Variants in CLK3 observed in about 807,000 individuals in gnomAD.
The protein encoded by CLK3 is CDC like kinase 3.
CLK3 carries 24 observed loss-of-function variants against 65.2 expected under a neutral mutation model. The ratio of observed to expected loss-of-function variants is 0.37; its 90% CI spans 0.27 to 0.52. CLK3 has a LOEUF of 0.52. Ranked by LOEUF, CLK3 falls within the 20% of genes least tolerant of loss-of-function variation. The pLI is 0.92. For synonymous variants in CLK3, 252 were observed against 240.8 expected, an observed-to-expected ratio of 1.05 and a Z score of -0.43; for missense variants, 506 against 660.0, an observed-to-expected ratio of 0.77 and a Z score of 2.56.
Position 74,624,854 on chromosome 15 carries a change from G to C in CLK3, c.534-48G>C. 7.2e-7 allele frequency: 1 copy of C among 1,397,828 alleles called. No individual in the cohort carries two copies. Among genetic ancestry groups the C allele is most frequent in the Non-Finnish European group, 1.0e-6 (1 of 997,380 alleles). 86.6% of individuals were successfully genotyped at this position (1,397,828 alleles called of 1,614,324 possible). A position where few individuals can be genotyped will look rare whatever the true frequency, so the allele number is the denominator to read the frequency against. On this transcript the variant is annotated intron_variant, in intron 5 of 12. Transcript: ENST00000395066. This position sits in a 1 kb window ranked among gnomAD's most constrained non-coding sequence, Gnocchi z 4.2. ...GGGTTGGGGTGGAGGGTTGGGGAAG[G>C]ACTGGGCAGCTGCTGATGAGAACCT...
rs1387030670 is a variant in CLK3 at position 74,627,693 on chromosome 15, C to T, written c.1042+25C>T. On this transcript the variant is annotated intron_variant, in intron 9 of 12. Coordinates refer to ENST00000395066, the MANE Select transcript of CLK3 (RefSeq NM_001130028.2). The surrounding 1 kb of genome is among the most constrained non-coding windows in gnomAD (Gnocchi z 4.3). The stretch of plus-strand genomic sequence containing the variant: ...GGTGAGTGACTGTATGGCCTGTGAC[C>T]TTGTCATACTGGACTGTTGTTGGGA... 2 of 1,612,932 alleles carry T rather than the reference C, an allele frequency of 1.2e-6. No individual in the cohort carries two copies. Among genetic ancestry groups the T allele is most frequent in the East Asian group, 2.2e-5 (1 of 44,892 alleles).
chr15:74,617,979 G>T (rs908032517), intron 1 of CLK3, among the ~76,000 whole-genome samples: 9 of 152,248 alleles, frequency 5.9e-5, no homozygotes, highest in African/African-American at 2.2e-4. Context: ...GAGATGGAGG[G>T]CTTTCTTAGG....
chr15:74,629,538 A>G (rs1420246466), intron 12 of CLK3, 169 bp from the exon 13 acceptor site: 3 of 610,162 alleles, frequency 4.9e-6, no homozygotes, highest in South Asian at 2.0e-5. Context: ...TTAAACAGGC[A>G]TGAAAGGAAA....
Position 74,622,061 on chromosome 15 carries a change from A to G in CLK3, c.370-59A>G, listed in dbSNP as rs1390784769. On this transcript the variant is annotated intron_variant, in intron 3 of 12. Transcript: ENST00000395066. The surrounding 1 kb of genome is among the most constrained non-coding windows in gnomAD (Gnocchi z 4.6). ...CCTTTGACTGACACCTCAATCTGTC[A>G]ATCGGAACCGCCTACCATGCGATTG... The G allele has an allele frequency of 1.3e-6, 2 of 1,524,148 alleles. No individual in the cohort carries two copies. The highest frequency in any genetic ancestry group is 1.7e-5 in the Admixed American group (1 of 59,678). The allele number at this position is 1,524,148 out of a possible 1,614,324, so 94.4% of individuals were successfully genotyped here.
At chr15:74,625,995 T>C in intron 7 of CLK3, 27 bp downstream of exon 7, 1 of 1,611,726 alleles carries the variant, frequency 6.2e-7, no homozygotes, top group Non-Finnish European at 8.5e-7. Flanking sequence ...AAAAGAAGCA[T>C]GGGCAGCCAC....
In CLK3 at chr15:74,630,076, A is replaced by ATATG; in HGVS notation, c.*195_*198dup. 1.7e-6 allele frequency: 1 copy of ATATG among 589,134 alleles called. No individual in the cohort carries two copies. Among genetic ancestry groups the ATATG allele is most frequent in the Non-Finnish European group, 3.0e-6 (1 of 331,602 alleles). 36.5% of individuals were successfully genotyped at this position (589,134 alleles called of 1,614,324 possible). A position where few individuals can be genotyped will look rare whatever the true frequency, so the allele number is the denominator to read the frequency against. On this transcript the variant is annotated 3_prime_UTR_variant, in exon 13 of 13. Coordinates refer to ENST00000395066, the MANE Select transcript of CLK3 (RefSeq NM_001130028.2). ...AGCACAGATTTGACCCAAGCTATTTATATGTTATAAAGTTATAATAAAGTG... is the reference window on the plus strand; with the variant it reads ...AGCACAGATTTGACCCAAGCTATTTATATGTATGTTATAAAGTTATAATAAAGTG...
At chr15:74,610,441 C>A (rs2061973994) in intron 1 of CLK3, among the ~76,000 whole-genome samples, 1 of 152,238 alleles carries the variant, frequency 6.6e-6, no homozygotes, top group Non-Finnish European at 1.5e-5. Context: ...CTGAAGGCAG[C>A]ACAGAGCCTC....
In CLK3 at chr15:74,615,903, G is replaced by T. The variant is rs780555853; in HGVS notation, c.-1+5G>T. ...GCAGCCGGAGCCTGGGAGACGGTAA[G>T]TGTGGGCTGGGGTCCGCGGCGGCGA... On this transcript the variant is annotated splice_donor_5th_base_variant and intron_variant, in intron 1 of 12. Coordinates refer to ENST00000395066, the MANE Select transcript of CLK3 (RefSeq NM_001130028.2). The T allele has an allele frequency of 8.0e-7, 1 of 1,252,444 alleles. No homozygotes were observed. Among genetic ancestry groups the T allele is most frequent in the East Asian group, 3.1e-5 (1 of 32,448 alleles). The allele number at this position is 1,252,444 out of a possible 1,614,324, so 77.6% of individuals were successfully genotyped here.
At position 74,625,945 on chromosome 15, in the gene CLK3, A is replaced by G. The variant is rs1330295928; in HGVS notation, c.794A>G (p.Tyr265Cys). The G allele has an allele frequency of 6.2e-7, 1 of 1,614,008 alleles. No homozygotes were observed. Among genetic ancestry groups the G allele is most frequent in the Non-Finnish European group, 8.5e-7 (1 of 1,179,986 alleles). ...CTACCACATGTCCGGCACATGGCCTACCAGCTCTGCCACGCCCTTAGATGT... is the reference window on the plus strand; with the variant it reads ...CTACCACATGTCCGGCACATGGCCTGCCAGCTCTGCCACGCCCTTAGATGT... Reference protein sequence around the residue: ...YPLPHVRHMAYQLCHALRFLH... With the variant: ...YPLPHVRHMACQLCHALRFLH... The change falls in exon 7 of 13, where the codon TAC becomes TGC. Residue 265 changes from tyrosine to cysteine, a missense_variant. By Grantham distance (194) the Tyr-to-Cys change is radical. Coordinates refer to ENST00000395066, the MANE Select transcript of CLK3 (RefSeq NM_001130028.2).
chr15:74,626,583 G>T (rs772380667), intron 7 of CLK3, among the ~76,000 whole-genome samples: 2 of 152,248 alleles, frequency 1.3e-5, no homozygotes, highest in African/African-American at 4.8e-5. Context: ...TGAGAAGACA[G>T]GTGTCTTCCT....
rs2141534658 is a variant in CLK3 at position 74,615,911 on chromosome 15, TG to T, written c.-1+17del. 1.6e-6 allele frequency: 2 copies of T among 1,247,426 alleles called. No individual in the cohort carries two copies. Among genetic ancestry groups the T allele is most frequent in the Non-Finnish European group, 2.0e-6 (2 of 996,508 alleles). The allele number at this position is 1,247,426 out of a possible 1,614,324, so 77.3% of individuals were successfully genotyped here. A position where few individuals can be genotyped will look rare whatever the true frequency, so the allele number is the denominator to read the frequency against. On this transcript the variant is annotated intron_variant, in intron 1 of 12. Coordinates refer to ENST00000395066, the MANE Select transcript of CLK3 (RefSeq NM_001130028.2). Reference sequence around the variant, plus strand: ...AGCCTGGGAGACGGTAAGTGTGGGCTGGGGTCCGCGGCGGCGACAGCGGCGG... The same window carrying T: ...AGCCTGGGAGACGGTAAGTGTGGGCTGGGTCCGCGGCGGCGACAGCGGCGG...
rs1488700346 is a variant in CLK3 at position 74,615,871 on chromosome 15, C to T, written c.-28C>T. 4 of 1,255,754 alleles carry T rather than the reference C, an allele frequency of 3.2e-6. No individual in the cohort carries two copies. Among genetic ancestry groups the T allele is most frequent in the East Asian group, 3.1e-5 (1 of 32,694 alleles). 77.8% of individuals were successfully genotyped at this position (1,255,754 alleles called of 1,614,324 possible). ...GAGGCGCTCGGAGCGGGGAGTGGGG[C>T]CTAGCTGCAGCCGGAGCCTGGGAGA... On this transcript the variant is annotated 5_prime_UTR_variant, in exon 1 of 13. Transcript: ENST00000395066.
chr15:74,619,016 A>G (rs58386058), intron 1 of CLK3, 181 bp from the exon 2 acceptor site: 33,716 of 658,820 alleles, frequency 0.051, 1,109 homozygotes, highest in East Asian at 0.13. Context: ...GTTGTTTCCT[A>G]TTGTCTGCTG....
At position 74,620,097 on chromosome 15, in the gene CLK3, G is replaced by A. The variant is rs376812584; in HGVS notation, c.241G>A (p.Glu81Lys). Residue 81 changes from glutamate (E) to lysine (K), a missense_variant, in exon 3 of 13, where the codon GAG becomes AAG. Physicochemically the swap from Glu to Lys is moderately conservative, Grantham distance 56. This residue lies in a region of CLK3 where 181 missense variants were observed against 159.4 expected (regional missense o/e 1.14). Coordinates refer to ENST00000395066, the MANE Select transcript of CLK3 (RefSeq NM_001130028.2). ...RCEERSPSFGEDYYGPSRSRH... is the reference protein window; with the variant it reads ...RCEERSPSFGKDYYGPSRSRH... The stretch of plus-strand genomic sequence containing the variant: ...TGAAGAGCGGAGCCCATCCTTTGGA[G>A]AGGACTACTATGGACCTTCACGTTC... 1 of 1,614,094 alleles carries A rather than the reference G, an allele frequency of 6.2e-7. No individual in the cohort carries two copies. Among genetic ancestry groups the A allele is most frequent in the African/African-American group, 1.3e-5 (1 of 74,926 alleles).
rs770331319 is a variant in CLK3, at chr15:74,629,005, T to C, written c.1269T>C (p.Tyr423=). The stretch of plus-strand genomic sequence containing the variant: ...ATGAGAACAGCTCTGACGGCCGGTA[T>C]GTGAAGGAGAACTGCAAACCTCTGA... ...VWDENSSDGR[Y]VKENCKPLKS... The change falls in exon 12 of 13, where the codon TAT becomes TAC. Residue 423 remains tyrosine, a synonymous_variant. Coordinates refer to ENST00000395066, the MANE Select transcript of CLK3 (RefSeq NM_001130028.2). 58 of 1,613,776 alleles carry C rather than the reference T, an allele frequency of 3.6e-5. No individual in the cohort carries two copies. Among genetic ancestry groups the C allele is most frequent in the South Asian group, 8.8e-5 (8 of 91,080 alleles).
At chr15:74,612,800 C>T (rs960522702), upstream of CLK3, among the ~76,000 whole-genome samples, 1 of 152,248 alleles carries the variant, frequency 6.6e-6, no homozygotes, top group East Asian at 1.9e-4. Context: ...GGCCGCTGCC[C>T]CCACCTCCCA....
chr15:74,627,453 G>C lies in CLK3; in HGVS notation c.912+7G>C, dbSNP rs766489771. 6.2e-7 allele frequency: 1 copy of C among 1,614,128 alleles called. No individual in the cohort carries two copies. ...CCTCTACAATGAGCACAAGGTATTG[G>C]TGGGGGTAAGGGTGAGGCCCTGTTT... On this transcript the variant is annotated splice_region_variant and intron_variant, in intron 8 of 12. Transcript: ENST00000395066. This position sits in a 1 kb window ranked among gnomAD's most constrained non-coding sequence, Gnocchi z 4.3.
chr15:74,618,512 G>T (rs1351067437), intron 1 of CLK3, among the ~76,000 whole-genome samples: 3 of 152,200 alleles, frequency 2.0e-5, no homozygotes, highest in African/African-American at 7.2e-5. Context: ...GGTGCTAAAT[G>T]GGCCTCTGGA....
In CLK3 at chr15:74,624,863, GC is replaced by G; in HGVS notation, c.534-38del. On this transcript the variant is annotated intron_variant, in intron 5 of 12. Coordinates refer to ENST00000395066, the MANE Select transcript of CLK3 (RefSeq NM_001130028.2). This position sits in a 1 kb window ranked among gnomAD's most constrained non-coding sequence, Gnocchi z 4.2. ...TGGAGGGTTGGGGAAGGACTGGGCA[GC>G]TGCTGATGAGAACCTCTGTTTCCTT... 3 of 1,475,486 alleles carry G rather than the reference GC, an allele frequency of 2.0e-6. No individual in the cohort carries two copies. The highest frequency in any genetic ancestry group is 1.9e-6 in the Non-Finnish European group (2 of 1,066,154). 91.4% of individuals were successfully genotyped at this position (1,475,486 alleles called of 1,614,324 possible). A position where few individuals can be genotyped will look rare whatever the true frequency, so the allele number is the denominator to read the frequency against.
Sources: gnomAD v4.1 joint callset for allele counts (sites outside exome capture counted in the v4.1 genomes callset) on GRCh38, gnomAD v4.1.1 for gene constraint, gnomAD v4.1.1 regional missense constraint, Gnocchi (gnomAD v3.1) non-coding constraint, MANE v1.5 for transcripts, NCBI Gene and HGNC (gene_info 2026-07-23, HGNC 2026-07-21) for gene names.